The following ATRN variants were observed in gnomAD, a reference collection of about 807,000 sequenced individuals.
ATRN encodes attractin.
Under a neutral mutation model 178.7 loss-of-function variants are expected in ATRN, and 54 were observed. The observed-to-expected ratio is 0.30, with a 90% confidence interval of 0.24 to 0.38. The LOEUF is 0.38. ATRN is among the 10% of genes least tolerant of loss of function. ATRN has a pLI of 1.00. For synonymous variants in ATRN, 636 were observed against 663.0 expected (o/e 0.96, Z 0.63); for missense variants, 1,443 against 1,815.1 (o/e 0.79, Z 3.73).
chr20:3,615,569 TTTTG>T (rs2086833728), intron 24 of ATRN, among the ~76,000 whole-genome samples: 15 of 146,072 alleles, frequency 1.0e-4, no homozygotes, highest in African/African-American at 3.8e-4. Flanking sequence ...TTTTTTTTTT[TTTTG>T]GAGACAGAGT....
chr20:3,609,961 G>C (rs537564618), intron 24 of ATRN, among the ~76,000 whole-genome samples: 5 of 152,098 alleles, frequency 3.3e-5, no homozygotes, highest in African/African-American at 1.2e-4. Flanking sequence ...TAGGGGGAGC[G>C]GGAAATAGGG....
chr20:3,607,307 A>G (rs1261921965), intron 24 of ATRN, among the ~76,000 whole-genome samples: 2 of 152,218 alleles, frequency 1.3e-5, no homozygotes, highest in African/African-American at 4.8e-5. Context: ...AACTATAGTC[A>G]TAATGACTAT....
intron 15 of ATRN, among the ~76,000 whole-genome samples, chr20:3,580,088 A>G (rs2086262205): frequency 6.6e-6 from 1 of 152,216 alleles, no homozygotes; most frequent in Non-Finnish European, 1.5e-5. Flanking sequence ...TTCAGATTTC[A>G]GAATCTCCAT....
At chr20:3,641,500 A>G (rs1336174606) in intron 27 of ATRN, among the ~76,000 whole-genome samples, 2 of 147,764 alleles carry the variant, frequency 1.4e-5, no homozygotes, top group African/African-American at 5.0e-5. Flanking sequence ...CTGAGGCATG[A>G]GAATCATTTG....
intron 3 of ATRN, among the ~76,000 whole-genome samples, chr20:3,540,928 G>A (rs954196948): frequency 5.9e-5 from 9 of 152,228 alleles, no homozygotes; most frequent in African/African-American, 2.2e-4. Context: ...TTAAACAGAA[G>A]CAGTTTAACA....
intron 20 of ATRN, among the ~76,000 whole-genome samples, chr20:3,595,262 C>T (rs1600141367): frequency 6.6e-6 from 1 of 152,178 alleles, no homozygotes; most frequent in East Asian, 1.9e-4. Flanking sequence ...TCAATGTATA[C>T]CGGGCTGTCT....
At chr20:3,562,789 G>T (rs567961913) in intron 9 of ATRN, among the ~76,000 whole-genome samples, 2 of 152,226 alleles carry the variant, frequency 1.3e-5, no homozygotes, top group South Asian at 4.2e-4. Flanking sequence ...TATGGGTACT[G>T]TTTTATATTC....
chr20:3,560,718 G>C lies in ATRN; in HGVS notation c.1260G>C (p.Glu420Asp), dbSNP rs1214385481. The change falls in exon 8 of 29, where the codon GAG becomes GAC. Residue 420 changes from glutamate to aspartate, a missense_variant. By Grantham distance (45) the Glu-to-Asp change is conservative. Coordinates refer to ENST00000262919, the MANE Select transcript of ATRN (RefSeq NM_139321.3). Reference protein sequence around the residue: ...KIDSTGNVTNELRVFHIHNES... With the variant: ...KIDSTGNVTNDLRVFHIHNES... ...ATTCAACTGGGAATGTGACCAATGA[G>C]TTGAGAGTTTTTCACATTCATAATG... 6.8e-6 allele frequency: 11 copies of C among 1,613,522 alleles called. No individual in the cohort carries two copies. Among genetic ancestry groups the C allele is most frequent in the Non-Finnish European group, 9.3e-6 (11 of 1,179,588 alleles).
chr20:3,514,537 AT>A (rs1331329076), intron 1 of ATRN, among the ~76,000 whole-genome samples: 1 of 152,248 alleles, frequency 6.6e-6, no homozygotes, highest in African/African-American at 2.4e-5. Context: ...TTTAAGGTTG[AT>A]TTAATATTTG....
At chr20:3,526,155 C>T (rs1424685450) in intron 1 of ATRN, among the ~76,000 whole-genome samples, 1 of 152,148 alleles carries the variant, frequency 6.6e-6, no homozygotes, top group Non-Finnish European at 1.5e-5. Context: ...AAAGCCCCAT[C>T]GTCTCAGCCC....
At chr20:3,519,668 C>T (rs2085261493) in intron 1 of ATRN, among the ~76,000 whole-genome samples, 2 of 152,244 alleles carry the variant, frequency 1.3e-5, no homozygotes, top group Non-Finnish European at 2.9e-5. Context: ...GCACTAAAAT[C>T]TCAGAGGTCA....
rs113606790 is a variant in ATRN, at chr20:3,482,998, A to G, written c.410+11481A>G. 7.0e-3 allele frequency among the ~76,000 whole-genome samples: 1,063 copies of G among 152,336 alleles called. 15 individuals carry two copies. Among genetic ancestry groups the G allele is most frequent in the African/African-American group, 0.024 (1,010 of 41,568 alleles). Reference sequence around the variant, plus strand: ...TTCTAAAAAGTAAAATGTTACAGATACTGACCAAGGTCCCCATGTTACCAC... The same window carrying G: ...TTCTAAAAAGTAAAATGTTACAGATGCTGACCAAGGTCCCCATGTTACCAC... On this transcript the variant is annotated intron_variant, in intron 1 of 28. Transcript: ENST00000262919.
intron 11 of ATRN, among the ~76,000 whole-genome samples, chr20:3,572,239 A>G (rs2086135835): frequency 6.6e-6 from 1 of 152,194 alleles, no homozygotes; most frequent in Non-Finnish European, 1.5e-5. Context: ...TAAAAAATGA[A>G]GATATAGAAT....
chr20:3,618,530 A>G (rs903947256), intron 24 of ATRN, among the ~76,000 whole-genome samples: 2 of 152,232 alleles, frequency 1.3e-5, no homozygotes, highest in East Asian at 3.8e-4. Flanking sequence ...TGAGTGTGAT[A>G]GAATAGGAAT....
At chr20:3,606,695 G>A (rs2086681605) in intron 24 of ATRN, among the ~76,000 whole-genome samples, 1 of 152,208 alleles carries the variant, frequency 6.6e-6, no homozygotes, top group Non-Finnish European at 1.5e-5. Context: ...AACCCAACTT[G>A]AGCATGACGT....
rs771045186 is a variant in ATRN, at chr20:3,540,347, C to A, written c.608+12C>A. 9.5e-6 allele frequency: 14 copies of A among 1,469,054 alleles called. No individual in the cohort carries two copies. Among genetic ancestry groups the A allele is most frequent in the Admixed American group, 1.9e-5 (1 of 52,276 alleles). The allele number at this position is 1,469,054 out of a possible 1,614,324, so 91.0% of individuals were successfully genotyped here. ...GTTGCTGCATTTAGGTAAGCTCAGT[C>A]TTACAAGCCTTCTTTCATCGTTTGA... On this transcript the variant is annotated intron_variant, in intron 3 of 28. Transcript: ENST00000262919.
At chr20:3,635,807 CTTTA>C (rs1600172073) in intron 26 of ATRN, among the ~76,000 whole-genome samples, 1 of 151,978 alleles carries the variant, frequency 6.6e-6, no homozygotes, top group East Asian at 1.9e-4. Context: ...GTTGCACACT[CTTTA>C]TTATTATTTT....
At chr20:3,637,728 G>T (rs1407491000) in intron 26 of ATRN, among the ~76,000 whole-genome samples, 2 of 152,156 alleles carry the variant, frequency 1.3e-5, no homozygotes, top group Non-Finnish European at 2.9e-5. Flanking sequence ...AACCTTATGG[G>T]CTAGGAACAC....
chr20:3,634,493 C>A, intron 26 of ATRN, 104 bp downstream of exon 26: 1 of 954,038 alleles, frequency 1.0e-6, no homozygotes. Context: ...AATGGACAGA[C>A]AGACATCTCC....
Sources: allele counts gnomAD v4.1 joint callset (sites outside exome capture counted in the v4.1 genomes callset), GRCh38; gene constraint gnomAD v4.1.1; transcripts MANE v1.5; gene names NCBI Gene and HGNC (gene_info 2026-07-23, HGNC 2026-07-21).